Variants in EXOC4 observed in about 807,000 individuals in gnomAD.
EXOC4 encodes exocyst complex component 4, also known as SEC8-like 1.
Under a neutral mutation model 107.2 loss-of-function variants are expected in EXOC4, and 71 were observed. That is an observed-to-expected ratio of 0.66 (90% CI 0.55 to 0.81). EXOC4 has a LOEUF of 0.81. Among genes scored for constraint, EXOC4 ranks in the 30% least tolerant of loss-of-function variants. The pLI is 0.00. For synonymous variants in EXOC4, 456 were observed against 441.2 expected (o/e 1.03, Z -0.42); for missense variants, 1,108 against 1,189.6 (o/e 0.93, Z 1.01).
chr7:133,304,572 C>T (rs1298553537), intron 3 of EXOC4, among the ~76,000 whole-genome samples: 1 of 152,184 alleles, frequency 6.6e-6, no homozygotes, highest in East Asian at 1.9e-4. Context: ...GATAAGCCAT[C>T]ACATTTTCTT....
At chr7:133,960,744 G>A (rs549014342) in intron 14 of EXOC4, among the ~76,000 whole-genome samples, 2 of 152,210 alleles carry the variant, frequency 1.3e-5, no homozygotes, top group South Asian at 2.1e-4. Context: ...AAGTATTTTA[G>A]CATCTATGTT....
intron 9 of EXOC4, among the ~76,000 whole-genome samples, chr7:133,481,612 T>C (rs547479572): frequency 1.3e-5 from 2 of 152,326 alleles, no homozygotes; most frequent in African/African-American, 4.8e-5. Context: ...CTCTCTCATA[T>C]TTATATCACA....
intron 17 of EXOC4, among the ~76,000 whole-genome samples, chr7:134,025,747 C>T (rs1477706707): frequency 6.6e-6 from 1 of 152,210 alleles, no homozygotes; most frequent in East Asian, 1.9e-4. Flanking sequence ...AGGCATACCT[C>T]TTACATGGTT....
At chr7:133,476,650 T>C (rs1799020713) in intron 8 of EXOC4, among the ~76,000 whole-genome samples, 2 of 152,240 alleles carry the variant, frequency 1.3e-5, no homozygotes, top group South Asian at 4.1e-4. Flanking sequence ...AAATGAAATC[T>C]ATTCTGTTTA....
intron 7 of EXOC4, among the ~76,000 whole-genome samples, chr7:133,417,093 A>G (rs1175603032): frequency 1.3e-5 from 2 of 152,224 alleles, no homozygotes; most frequent in Non-Finnish European, 2.9e-5. Context: ...AATGAAGAAT[A>G]GCATACAGGG....
At chr7:133,393,120 T>C (rs574282393) in intron 7 of EXOC4, among the ~76,000 whole-genome samples, 1 of 152,330 alleles carries the variant, frequency 6.6e-6, no homozygotes, top group East Asian at 1.9e-4. Flanking sequence ...TTCTCTGATA[T>C]GCTCCAGTCC....
intron 10 of EXOC4, among the ~76,000 whole-genome samples, chr7:133,694,941 G>T (rs1182173168): frequency 6.6e-6 from 1 of 152,100 alleles, no homozygotes; most frequent in Non-Finnish European, 1.5e-5. Flanking sequence ...TCCTGCCTCA[G>T]CCTCCCGAGT....
chr7:134,100,279 G>GGT, the EXOC4 span, among the ~76,000 whole-genome samples: 2 of 73,614 alleles, frequency 2.7e-5, no homozygotes, highest in Non-Finnish European at 6.7e-5. Context: ...TAGAAGCCAG[G>GGT]GAAGAGGCCT....
In EXOC4 at chr7:133,337,670, G is replaced by A. The variant is rs141622870; in HGVS notation, c.764-18660G>A. On this transcript the variant is annotated intron_variant, in intron 5 of 17. Transcript: ENST00000253861. ...TTTTTTTTTTTTGGAGTCTTGCTCT[G>A]TCGCCCAGGCTGGAGTACAGTGGCG... Among the ~76,000 whole-genome samples the A allele has an allele frequency of 5.3e-3, 575 of 108,874 alleles. 6 individuals are homozygous for A. Among genetic ancestry groups the A allele is most frequent in the Middle Eastern group, 0.035 (4 of 114 alleles). The allele number at this position is 108,874 out of a possible 152,430, so 71.4% of individuals were successfully genotyped here. A position where few individuals can be genotyped will look rare whatever the true frequency, so the allele number is the denominator to read the frequency against.
intron 14 of EXOC4, 116 bp downstream of exon 14, chr7:133,938,185 G>T (rs1310070114): frequency 3.1e-6 from 3 of 973,138 alleles, no homozygotes; most frequent in South Asian, 3.4e-5. Context: ...CAAGCTGTCA[G>T]AAGATCCTGG....
At chr7:133,958,302 A>T (rs1415212256) in intron 14 of EXOC4, among the ~76,000 whole-genome samples, 1 of 151,580 alleles carries the variant, frequency 6.6e-6, no homozygotes, top group Non-Finnish European at 1.5e-5. Context: ...AAAAACTGAT[A>T]GTAACAATTA....
intron 10 of EXOC4, among the ~76,000 whole-genome samples, chr7:133,736,809 T>C (rs537611593): frequency 6.6e-6 from 1 of 152,316 alleles, no homozygotes; most frequent in South Asian, 2.1e-4. Context: ...TTTTCCATTA[T>C]GTTTGTGTAA....
rs534818453 is a variant in EXOC4 at position 133,849,666 on chromosome 7, G to A, written c.1734+32122G>A. ...TATTCTTATCACAATTTATTATAGTGGCTGATTTCATTTTCTCTCTCTTTC... is the reference window on the plus strand; with the variant it reads ...TATTCTTATCACAATTTATTATAGTAGCTGATTTCATTTTCTCTCTCTTTC... On this transcript the variant is annotated intron_variant, in intron 11 of 17. Coordinates refer to ENST00000253861, the MANE Select transcript of EXOC4 (RefSeq NM_021807.4). 7.2e-5 allele frequency among the ~76,000 whole-genome samples: 11 copies of A among 152,208 alleles called. 1 individual carries two copies. In the South Asian group the frequency reaches 2.1e-3, roughly 29 times the overall value.
intron 17 of EXOC4, among the ~76,000 whole-genome samples, chr7:134,051,671 CAAAAAA>C (rs71172425): frequency 2.8e-5 from 3 of 107,738 alleles, no homozygotes; most frequent in Admixed American, 9.5e-5. Context: ...GACTCCGTCT[CAAAAAA>C]AAAAAAAAAA....
chr7:134,042,422 T>C (rs1337399038), intron 17 of EXOC4, among the ~76,000 whole-genome samples: 2 of 151,888 alleles, frequency 1.3e-5, no homozygotes, highest in Non-Finnish European at 2.9e-5. Flanking sequence ...TGCTCAATGC[T>C]CTTGTCAAAA....
chr7:133,858,821 TAC>T, intron 11 of EXOC4, among the ~76,000 whole-genome samples: 1 of 152,296 alleles, frequency 6.6e-6, no homozygotes, highest in South Asian at 2.1e-4. Flanking sequence ...AAATCAATGT[TAC>T]AGTCTTAGGT....
At chr7:133,868,715 A>C (rs2116382430) in intron 11 of EXOC4, among the ~76,000 whole-genome samples, 1 of 152,246 alleles carries the variant, frequency 6.6e-6, no homozygotes, top group South Asian at 2.1e-4. Context: ...TGAGTCTATT[A>C]GAGGAACTGA....
At position 133,817,492 on chromosome 7, in the gene EXOC4, T is replaced by C. The variant is rs1329108673; in HGVS notation, c.1682T>C (p.Leu561Pro). 1.2e-6 allele frequency: 2 copies of C among 1,614,198 alleles called. No individual in the cohort carries two copies. The highest frequency in any genetic ancestry group is 4.5e-5 in the East Asian group (2 of 44,874). The change falls in exon 11 of 18, where the codon CTG becomes CCG. Residue 561 changes from leucine to proline, a missense_variant. Physicochemically the swap from Leu to Pro is moderately conservative, Grantham distance 98. Coordinates refer to ENST00000253861, the MANE Select transcript of EXOC4 (RefSeq NM_021807.4). ...AAAACATCTGACCCTTTGAAGATTC[T>C]GGCCAACGCAGACACCATGAAGGTG... ...VTKTSDPLKILANADTMKVLG... is the reference protein window; with the variant it reads ...VTKTSDPLKIPANADTMKVLG...
At chr7:133,703,252 G>A (rs1290615004) in intron 10 of EXOC4, among the ~76,000 whole-genome samples, 1 of 152,154 alleles carries the variant, frequency 6.6e-6, no homozygotes, top group Non-Finnish European at 1.5e-5. Flanking sequence ...CATTATTTAT[G>A]CTAAACTCCT....
Sources: gnomAD v4.1 joint callset for allele counts (sites outside exome capture counted in the v4.1 genomes callset) on GRCh38, gnomAD v4.1.1 for gene constraint, MANE v1.5 for transcripts, NCBI Gene and HGNC (gene_info 2026-07-23, HGNC 2026-07-21) for gene names.